The following LANCL2 variants were observed in gnomAD, a reference collection of about 807,000 sequenced individuals.
The protein encoded by LANCL2 is LanC like glutathione S-transferase 2.
Under a neutral mutation model 56.9 loss-of-function variants are expected in LANCL2, and 33 were observed. That is an observed-to-expected ratio of 0.58 (90% CI 0.44 to 0.78). LANCL2 has a LOEUF of 0.78. Ranked by LOEUF, LANCL2 falls within the 30% of genes least tolerant of loss-of-function variation. The pLI is 0.00. For missense variants in LANCL2, 562 were observed against 580.2 expected (o/e 0.97, Z 0.32); for synonymous variants, 233 against 228.2 (o/e 1.02, Z -0.19).
chr7:55,368,198 CTAAT>C (rs1443022489), intron 1 of LANCL2, among the ~76,000 whole-genome samples: 1 of 152,234 alleles, frequency 6.6e-6, no homozygotes, highest in Non-Finnish European at 1.5e-5. Context: ...GAGATAAACA[CTAAT>C]TCAACTCAAA....
At chr7:55,422,814 A>G (rs1790622573) in intron 6 of LANCL2, among the ~76,000 whole-genome samples, 1 of 152,206 alleles carries the variant, frequency 6.6e-6, no homozygotes, top group Admixed American at 6.5e-5. Flanking sequence ...GATGATGAGT[A>G]TAGTTCCCTT....
chr7:55,422,029 C>G (rs1486061243), intron 6 of LANCL2, among the ~76,000 whole-genome samples: 1 of 152,184 alleles, frequency 6.6e-6, no homozygotes, highest in African/African-American at 2.4e-5. Flanking sequence ...ACCATAGGGG[C>G]TGGCCAGAAA....
At chr7:55,392,724 A>G (rs1190652346) in intron 2 of LANCL2, among the ~76,000 whole-genome samples, 2 of 152,110 alleles carry the variant, frequency 1.3e-5, no homozygotes, top group Non-Finnish European at 2.9e-5. Context: ...TTCTAAAGAA[A>G]TGCTTTCTTC....
At chr7:55,406,750 T>C (rs182139764) in intron 5 of LANCL2, among the ~76,000 whole-genome samples, 160 of 152,318 alleles carry the variant, frequency 1.1e-3, no homozygotes, top group Admixed American at 3.1e-3. Flanking sequence ...ACTTTCATGA[T>C]AGCAGAATAA....
chr7:55,373,632 T>A (rs1562855968), intron 1 of LANCL2, among the ~76,000 whole-genome samples: 1 of 152,190 alleles, frequency 6.6e-6, no homozygotes, highest in Non-Finnish European at 1.5e-5. Flanking sequence ...TGCTTGATAC[T>A]GAAATAAGAA....
At chr7:55,412,186 A>C (rs546987947) in intron 6 of LANCL2, 97 bp downstream of exon 6, 1 of 1,089,504 alleles carries the variant, frequency 9.2e-7, no homozygotes, top group African/African-American at 1.6e-5. Context: ...TTGACTGTAC[A>C]CTAAAAACCT....
In LANCL2 at chr7:55,432,242, C is replaced by T. The variant is rs1253415155; in HGVS notation, c.*922C>T. On this transcript the variant is annotated 3_prime_UTR_variant, in exon 9 of 9. Coordinates refer to ENST00000254770, the MANE Select transcript of LANCL2 (RefSeq NM_018697.4). ...TATTGCAGATTAACAGAAAGACACTCAACTGGACTCATGTCCCTGCAATTA... is the reference window on the plus strand; with the variant it reads ...TATTGCAGATTAACAGAAAGACACTTAACTGGACTCATGTCCCTGCAATTA... The T allele has an allele frequency of 6.6e-6, 1 of 152,214 alleles. No individual in the cohort carries two copies. The highest frequency in any genetic ancestry group is 2.4e-5 in the African/African-American group (1 of 41,466). 9.4% of individuals were successfully genotyped at this position (152,214 alleles called of 1,614,324 possible).
intron 1 of LANCL2, among the ~76,000 whole-genome samples, chr7:55,386,636 C>CA (rs976071268): frequency 1.6e-4 from 25 of 152,064 alleles, no homozygotes; most frequent in African/African-American, 5.5e-4. Flanking sequence ...GCTTATCCGG[C>CA]TTTTTTTTGC....
At chr7:55,379,126 G>A (rs1790036696) in intron 1 of LANCL2, among the ~76,000 whole-genome samples, 1 of 152,092 alleles carries the variant, frequency 6.6e-6, no homozygotes, top group East Asian at 1.9e-4. Flanking sequence ...CTCCAGCCTG[G>A]GTGACAGAGC....
chr7:55,412,114 GT>G, intron 6 of LANCL2, 25 bp downstream of exon 6: 2 of 1,592,318 alleles, frequency 1.3e-6, no homozygotes, highest in Non-Finnish European at 1.7e-6. Context: ...CGTCACGGCC[GT>G]CCCCTGTGTG....
intron 6 of LANCL2, among the ~76,000 whole-genome samples, chr7:55,418,191 T>A (rs1003166734): frequency 2.0e-5 from 3 of 151,684 alleles, no homozygotes; most frequent in Non-Finnish European, 4.4e-5. Context: ...TTGCGTTTTT[T>A]TTTTTGGAGA....
chr7:55,432,788 G>T lies in LANCL2; in HGVS notation c.*1468G>T, dbSNP rs1053730132. The T allele has an allele frequency of 1.3e-5, 2 of 152,240 alleles. No individual in the cohort carries two copies. The highest frequency in any genetic ancestry group is 2.9e-5 in the Non-Finnish European group (2 of 68,048). The allele number at this position is 152,240 out of a possible 1,614,324, so 9.4% of individuals were successfully genotyped here. On this transcript the variant is annotated 3_prime_UTR_variant, in exon 9 of 9. Transcript: ENST00000254770. ...CTTCTAAACGATGCCTGGAGAGTCT[G>T]TTTGCTGCAGACACCCTTGCTCCTG...
At chr7:55,371,383 C>T (rs1207518756) in intron 1 of LANCL2, among the ~76,000 whole-genome samples, 2 of 152,108 alleles carry the variant, frequency 1.3e-5, no homozygotes, top group African/African-American at 4.8e-5. Context: ...ACCACCATGC[C>T]CAACTAGTTT....
At chr7:55,372,444 GCTAA>G (rs5884413) in intron 1 of LANCL2, among the ~76,000 whole-genome samples, 41,829 of 151,912 alleles carry the variant, frequency 0.28, 6,334 homozygotes, top group Non-Finnish European at 0.35. Flanking sequence ...AAATTGAAAG[GCTAA>G]CTGAGGTTCT....
At chr7:55,401,461 A>C in intron 5 of LANCL2, 141 bp downstream of exon 5, 1 of 436,978 alleles carries the variant, frequency 2.3e-6, no homozygotes. Flanking sequence ...CATAAACCAC[A>C]GGCAGTGGAT....
rs1308715316 is a variant in LANCL2 at position 55,398,513 on chromosome 7, G to A, written c.413G>A (p.Arg138Gln). The change falls in exon 3 of 9, where the codon CGG becomes CAG. Residue 138 changes from arginine (R) to glutamine (Q), a missense_variant. Coordinates refer to ENST00000254770, the MANE Select transcript of LANCL2 (RefSeq NM_018697.4). ...RSLDYVKRTLRNLNGRRVTFL... is the reference protein window; with the variant it reads ...RSLDYVKRTLQNLNGRRVTFL... ...CTGGATTACGTAAAAAGAACACTTC[G>A]GAATCTGAATGGCCGCAGGGTCACC... 4.2e-5 allele frequency: 67 copies of A among 1,614,024 alleles called. No individual in the cohort carries two copies. The highest frequency in any genetic ancestry group is 5.4e-5 in the Non-Finnish European group (64 of 1,180,032).
Position 55,411,891 on chromosome 7 carries a change from TTTTG to T in LANCL2, c.826-8_826-5del, listed in dbSNP as rs1790473896. The T allele has an allele frequency of 1.3e-6, 2 of 1,595,586 alleles. No homozygotes were observed. The highest frequency in any genetic ancestry group is 4.5e-5 in the East Asian group (2 of 44,362). On this transcript the variant is annotated splice_polypyrimidine_tract_variant and intron_variant, in intron 5 of 8. Transcript: ENST00000254770. ...TCAGAGAAAATAATTTGTGTTTCAT[TTTTG>T]TTTGTTTAAAGCCGGCAGCAAAAGT...
chr7:55,365,982 GGACAGGAGGTTTGTCCCCGCC>G lies in LANCL2; in HGVS notation c.-43_-23del. The G allele has an allele frequency of 1.5e-6, 2 of 1,367,684 alleles. No individual in the cohort carries two copies. The highest frequency in any genetic ancestry group is 1.9e-6 in the Non-Finnish European group (2 of 1,045,444). 84.7% of individuals were successfully genotyped at this position (1,367,684 alleles called of 1,614,324 possible). On this transcript the variant is annotated 5_prime_UTR_variant, in exon 1 of 9. Transcript: ENST00000254770. ...GGCGGCGGGGCGAGCTGCAGCGCCG[GGACAGGAGGTTTGTCCCCGCC>G]CGCGCGCCGTACCGCGGCGGAGATG... is the stretch of plus-strand genomic sequence containing the variant.
chr7:55,367,436 C>T (rs1009212427), intron 1 of LANCL2, among the ~76,000 whole-genome samples: 2 of 152,212 alleles, frequency 1.3e-5, no homozygotes, highest in Non-Finnish European at 2.9e-5. Context: ...GTTAAAAACT[C>T]GAAACAGGCC....
Sources: allele counts gnomAD v4.1 joint callset (sites outside exome capture counted in the v4.1 genomes callset), GRCh38; gene constraint gnomAD v4.1.1; transcripts MANE v1.5; gene names NCBI Gene and HGNC (gene_info 2026-07-23, HGNC 2026-07-21).